Variants in MESP1 observed in about 807,000 individuals in gnomAD.
MESP1 encodes the protein mesoderm posterior bHLH transcription factor 1.
MESP1 carries 22 observed loss-of-function variants against 15.2 expected under a neutral mutation model. The ratio of observed to expected loss-of-function variants is 1.45; its 90% CI spans 1.04 to 2.07. The LOEUF (loss-of-function observed/expected upper bound fraction) is 2.07. Ranked by LOEUF, MESP1 falls within the 30% of genes most tolerant of loss-of-function variation. The pLI is 0.00. For synonymous variants in MESP1, 216 were observed against 192.6 expected (o/e 1.12, Z -1.01); for missense variants, 484 against 411.9 (o/e 1.17, Z -1.51).
the MESP1 span, chr15:89,738,216 T>C: frequency 1.2e-6 from 2 of 1,611,532 alleles, no homozygotes; most frequent in Non-Finnish European, 1.7e-6. Context: ...AGAAGAGATG[T>C]GAGCGTTTCC....
chr15:89,736,882 C>T, the MESP1 span, among the ~76,000 whole-genome samples: 5 of 151,516 alleles, frequency 3.3e-5, no homozygotes, highest in Non-Finnish European at 7.4e-5. Flanking sequence ...AGCTCTGCCT[C>T]CCGGGTTCAC....
intron 1 of MESP1, 136 bp downstream of exon 1, chr15:89,750,373 G>C (rs1968059828): frequency 6.8e-7 from 1 of 1,478,790 alleles, no homozygotes; most frequent in Non-Finnish European, 9.0e-7. Flanking sequence ...GCTTCTTGGA[G>C]CCCTGGGCAT....
the MESP1 span, chr15:89,737,551 T>C: frequency 6.2e-7 from 1 of 1,613,986 alleles, no homozygotes; most frequent in Admixed American, 1.7e-5. Flanking sequence ...GAAGCCCCCC[T>C]CACCATCTCT....
chr15:89,745,229 G>C (rs773851620), downstream of MESP1, among the ~76,000 whole-genome samples: 6 of 152,206 alleles, frequency 3.9e-5, no homozygotes, highest in Non-Finnish European at 7.4e-5. The surrounding 1 kb of genome is among the most constrained non-coding windows in gnomAD (Gnocchi z 4.8). Flanking sequence ...TGTGAGGGGA[G>C]AGCGGGTGGG....
chr15:89,738,236 G>GTTT, the MESP1 span: 1 of 1,599,670 alleles, frequency 6.3e-7, no homozygotes, highest in Non-Finnish European at 8.5e-7. Flanking sequence ...CTCCAGAAGA[G>GTTT]GTAAAGAGCT....
chr15:89,750,933 C>G lies in MESP1; in HGVS notation c.299G>C (p.Arg100Pro), dbSNP rs1968082188. 1 of 1,461,800 alleles carries G rather than the reference C, an allele frequency of 6.8e-7. No individual in the cohort carries two copies. The highest frequency in any genetic ancestry group is 1.3e-5 in the South Asian group (1 of 75,284). The allele number at this position is 1,461,800 out of a possible 1,614,324, so 90.6% of individuals were successfully genotyped here. A position where few individuals can be genotyped will look rare whatever the true frequency, so the allele number is the denominator to read the frequency against. ...AAAGCGGCGCAGCTCGTGCAGGGCG[C>G]GGGCCAGCGTGCGCATGCGCAGTTT... Reference protein sequence around the residue: ...REKLRMRTLARALHELRRFLP... With the variant: ...REKLRMRTLAPALHELRRFLP... The change falls in exon 1 of 2, where the codon CGC (arginine) becomes CCC (proline). Residue 100 changes from arginine (R) to proline (P), a missense_variant. Arg to Pro is a moderately radical substitution (Grantham distance 103). Coordinates refer to ENST00000300057, the MANE Select transcript of MESP1 (RefSeq NM_018670.4).
At position 89,750,598 on chromosome 15, in the gene MESP1, C is replaced by A; in HGVS notation, c.634G>T (p.Ala212Ser). ...GGCGGGTCGCGCGGCTCGGGTGCAGCTCGGGCTCCGGGGCAGGCAGGCGGG... is the reference window on the plus strand; with the variant it reads ...GGCGGGTCGCGCGGCTCGGGTGCAGATCGGGCTCCGGGGCAGGCAGGCGGG... ...GSPPACPGAR[A>S]APEPRDPPAL... Residue 212 changes from alanine to serine, a missense_variant, in exon 1 of 2, where the codon GCT becomes TCT. Ala to Ser is a moderately conservative substitution (Grantham distance 99). Coordinates refer to ENST00000300057, the MANE Select transcript of MESP1 (RefSeq NM_018670.4). 5 of 1,403,390 alleles carry A rather than the reference C, an allele frequency of 3.6e-6. No individual in the cohort carries two copies. Among genetic ancestry groups the A allele is most frequent in the Non-Finnish European group, 4.6e-6 (5 of 1,087,676 alleles). The allele number at this position is 1,403,390 out of a possible 1,614,324, so 86.9% of individuals were successfully genotyped here.
chr15:89,746,662 CACAA>C (rs1455736211), downstream of MESP1, among the ~76,000 whole-genome samples: 21 of 146,958 alleles, frequency 1.4e-4, no homozygotes, highest in Admixed American at 1.4e-4. Context: ...TACCTCCCCA[CACAA>C]ACACACACAG....
Position 89,750,313 on chromosome 15 carries a change from G to T in MESP1, c.724-86C>A, listed in dbSNP as rs923314076. On this transcript the variant is annotated intron_variant, in intron 1 of 1. Transcript: ENST00000300057. ...CGCTCGTGGGCTCCACTCTCAGGGGGCCCCTAGCGAGGGGAGACCCAGTCC... is the reference window on the plus strand; with the variant it reads ...CGCTCGTGGGCTCCACTCTCAGGGGTCCCCTAGCGAGGGGAGACCCAGTCC... 1.0e-5 allele frequency: 16 copies of T among 1,574,376 alleles called. No homozygotes were observed. In the Admixed American group the frequency reaches 1.7e-4, roughly 17 times the overall value.
At chr15:89,746,956 C>G (rs896321868), downstream of MESP1, among the ~76,000 whole-genome samples, 1 of 140,084 alleles carries the variant, frequency 7.1e-6, no homozygotes, top group Non-Finnish European at 1.6e-5. Context: ...CACACACAGC[C>G]CCGCTGCCAC....
the MESP1 span, among the ~76,000 whole-genome samples, chr15:89,739,130 AAAGT>A: frequency 3.9e-3 from 598 of 151,778 alleles, 4 homozygotes; most frequent in African/African-American, 0.014. Context: ...AAAAAAAAAA[AAAGT>A]ATGTTTGGAT....
chr15:89,741,565 G>A, the MESP1 span, among the ~76,000 whole-genome samples: 1 of 152,180 alleles, frequency 6.6e-6, no homozygotes, highest in South Asian at 2.1e-4. Flanking sequence ...ATTCTACTTA[G>A]ATTGGCAGAG....
the MESP1 span, chr15:89,743,342 G>A: frequency 2.1e-5 from 34 of 1,614,160 alleles, no homozygotes; most frequent in Non-Finnish European, 2.5e-5. Flanking sequence ...CACTGGGCCC[G>A]GCTTCAGAGG....
the MESP1 span, among the ~76,000 whole-genome samples, chr15:89,737,282 G>A: frequency 6.6e-6 from 1 of 152,232 alleles, no homozygotes; most frequent in Non-Finnish European, 1.5e-5. Flanking sequence ...CATGGAGGGT[G>A]AGCTCTTCAG....
chr15:89,739,142 G>T, the MESP1 span, among the ~76,000 whole-genome samples: 2 of 151,636 alleles, frequency 1.3e-5, no homozygotes, highest in Non-Finnish European at 2.9e-5. Context: ...AGTATGTTTG[G>T]ATTATTAGAC....
chr15:89,751,030 A>T lies in MESP1; in HGVS notation c.202T>A (p.Ser68Thr), dbSNP rs1166293283. Reference protein sequence around the residue: ...PGTLRDPRAPSVGRRGARSSR... With the variant: ...PGTLRDPRAPTVGRRGARSSR... ...CTGCGCGCGCCGCGCCTACCTACGG[A>T]GGGGGCGCGGGGGTCCCGGAGGGTG... Residue 68 changes from serine (S) to threonine (T), a missense_variant, in exon 1 of 2, where the codon TCC becomes ACC. Transcript: ENST00000300057. 6 of 1,349,314 alleles carry T rather than the reference A, an allele frequency of 4.4e-6. No individual in the cohort carries two copies. In the East Asian group the frequency reaches 1.8e-4, roughly 41 times the overall value. The allele number at this position is 1,349,314 out of a possible 1,614,324, so 83.6% of individuals were successfully genotyped here. A position where few individuals can be genotyped will look rare whatever the true frequency, so the allele number is the denominator to read the frequency against.
chr15:89,742,108 C>A, the MESP1 span, among the ~76,000 whole-genome samples: 1 of 151,982 alleles, frequency 6.6e-6, no homozygotes, highest in Non-Finnish European at 1.5e-5. Context: ...ACATTACCAG[C>A]CAGGTGCTGT....
downstream of MESP1, chr15:89,748,771 T>C (rs1165583375): frequency 6.6e-6 from 1 of 152,174 alleles, no homozygotes; most frequent in Non-Finnish European, 1.5e-5. Flanking sequence ...TGAGGAGTGA[T>C]GTTAACAGGT....
At chr15:89,743,537 G>T in the MESP1 span, 1 of 704,522 alleles carries the variant, frequency 1.4e-6, no homozygotes. Context: ...AGCCAGCAAG[G>T]GGAAAAGTAT....
Sources: allele counts gnomAD v4.1 joint callset (sites outside exome capture counted in the v4.1 genomes callset), GRCh38; gene constraint gnomAD v4.1.1; non-coding constraint Gnocchi (gnomAD v3.1); transcripts MANE v1.5; gene names NCBI Gene and HGNC (gene_info 2026-07-23, HGNC 2026-07-21).